Variants in SCAPER observed in about 807,000 individuals in gnomAD.
SCAPER encodes the protein S phase cyclin A-associated protein in the endoplasmic reticulum.
SCAPER carries 98 observed loss-of-function variants against 182.2 expected under a neutral mutation model. The observed-to-expected ratio is 0.54, with a 90% CI of 0.46 to 0.64. The LOEUF (loss-of-function observed/expected upper bound fraction) is 0.64. Ranked by LOEUF, SCAPER falls within the 30% of genes least tolerant of loss-of-function variation. SCAPER has a pLI of 0.00. For synonymous variants in SCAPER, 605 were observed against 564.6 expected (o/e 1.07, Z -1.01); for missense variants, 1,432 against 1,690.0 (o/e 0.85, Z 2.68).
At chr15:76,719,766 C>T (rs944884122) in intron 17 of SCAPER, among the ~76,000 whole-genome samples, 3 of 151,464 alleles carry the variant, frequency 2.0e-5, no homozygotes, top group African/African-American at 2.4e-5. Flanking sequence ...TGCCCACTAA[C>T]GAAACAAAAG....
chr15:76,765,550 A>G lies in SCAPER; in HGVS notation c.1495+13T>C. On this transcript the variant is annotated intron_variant, in intron 12 of 31. Transcript: ENST00000563290. ...ACACTGTACTACACACCCAATATGC[A>G]TATACACAATACCTTCATAATCTGC... 6.2e-7 allele frequency: 1 copy of G among 1,601,030 alleles called. No homozygotes were observed. The highest frequency in any genetic ancestry group is 8.5e-7 in the Non-Finnish European group (1 of 1,172,566).
intron 29 of SCAPER, among the ~76,000 whole-genome samples, chr15:76,374,645 T>C (rs1324182041): frequency 2.7e-5 from 4 of 150,602 alleles, no homozygotes; most frequent in Admixed American, 6.6e-5. Flanking sequence ...CCATGCCCGG[T>C]TAATTTTGTA....
At chr15:76,491,820 C>T (rs1053592719) in intron 24 of SCAPER, among the ~76,000 whole-genome samples, 5 of 152,094 alleles carry the variant, frequency 3.3e-5, no homozygotes, top group African/African-American at 9.6e-5. Context: ...TTAATAGAGA[C>T]GGGGTTTCAC....
intron 15 of SCAPER, among the ~76,000 whole-genome samples, chr15:76,744,046 CCTT>C (rs2061677163): frequency 1.3e-5 from 2 of 152,266 alleles, no homozygotes; most frequent in Non-Finnish European, 2.9e-5. Flanking sequence ...GAAAAGGACT[CCTT>C]CTTCAATAAA....
intron 17 of SCAPER, among the ~76,000 whole-genome samples, chr15:76,722,454 A>G (rs563516739): frequency 3.9e-5 from 6 of 152,120 alleles, no homozygotes; most frequent in Non-Finnish European, 5.9e-5. Context: ...AATGAGTTAG[A>G]GAGGATTCCC....
At chr15:76,495,759 C>T (rs1164955830) in intron 24 of SCAPER, among the ~76,000 whole-genome samples, 1 of 151,936 alleles carries the variant, frequency 6.6e-6, no homozygotes, top group Non-Finnish European at 1.5e-5. Flanking sequence ...ATGATATAAA[C>T]CAATGATTTT....
intron 17 of SCAPER, among the ~76,000 whole-genome samples, chr15:76,721,921 C>T (rs527529293): frequency 1.3e-5 from 2 of 152,206 alleles, no homozygotes; most frequent in South Asian, 4.2e-4. Context: ...CCTTTATTTC[C>T]TTCTCCTGTC....
intron 26 of SCAPER, 61 bp downstream of exon 26, chr15:76,434,017 A>C: frequency 7.2e-7 from 1 of 1,396,180 alleles, no homozygotes; most frequent in South Asian, 1.3e-5. Context: ...CTTGAGATTT[A>C]AATTATTTTA....
intron 30 of SCAPER, among the ~76,000 whole-genome samples, chr15:76,351,924 C>T (rs1282604615): frequency 1.3e-5 from 2 of 152,074 alleles, no homozygotes; most frequent in Non-Finnish European, 2.9e-5. Flanking sequence ...TTTTTTTTAG[C>T]ATTTACAAAA....
chr15:76,817,029 A>G (rs2151620738), intron 5 of SCAPER, among the ~76,000 whole-genome samples: 1 of 152,320 alleles, frequency 6.6e-6, no homozygotes, highest in Non-Finnish European at 1.5e-5. Context: ...CTTCCATGCA[A>G]CTGGTAGCAC....
Position 76,705,939 on chromosome 15 carries a change from T to C in SCAPER, c.2211A>G (p.Glu737=). 1.3e-6 allele frequency: 2 copies of C among 1,564,842 alleles called. No homozygotes were observed. The highest frequency in any genetic ancestry group is 2.3e-5 in the South Asian group (2 of 85,160). ...TTTTTTTCTGTAACTCTTCCATAGC[T>C]TCTTGTTGAGCAGCTGTGAGTGCTG... ...RLAALTAAQQ[E]AMEELQKKIQ... The change falls in exon 18 of 32, where the codon GAA becomes GAG. Residue 737 remains glutamate (E), a synonymous_variant. Transcript: ENST00000563290.
chr15:76,658,234 A>T (rs1183296045), intron 21 of SCAPER, among the ~76,000 whole-genome samples: 1 of 152,168 alleles, frequency 6.6e-6, no homozygotes, highest in African/African-American at 2.4e-5. Flanking sequence ...TATAAAATCA[A>T]TGTACAAAAA....
chr15:76,526,980 T>C (rs778137041), intron 23 of SCAPER, among the ~76,000 whole-genome samples: 9 of 152,086 alleles, frequency 5.9e-5, no homozygotes, highest in Non-Finnish European at 1.2e-4. Flanking sequence ...CAAGCTATTC[T>C]CCTGCCTCAG....
chr15:76,878,424 AG>A (rs33999787), intron 2 of SCAPER, among the ~76,000 whole-genome samples: 41,205 of 151,998 alleles, frequency 0.27, 6,379 homozygotes, highest in East Asian at 0.55. Flanking sequence ...CATGATTTTC[AG>A]GTAGAAAGAA....
rs532461399 is a variant in SCAPER at position 76,501,807 on chromosome 15, A to T, written c.2954+3052T>A. Among the ~76,000 whole-genome samples the T allele has an allele frequency of 4.6e-5, 7 of 152,380 alleles. No homozygotes were observed. The East Asian group carries it at 1.2e-3, about 25-fold the overall frequency. On this transcript the variant is annotated intron_variant, in intron 24 of 31. Transcript: ENST00000563290. Reference sequence around the variant, plus strand: ...GCTGAGAACAAAGAAGTGCCCAGGGACTATGGAAAGCCCAAGGCCTGGGCA... The same window carrying T: ...GCTGAGAACAAAGAAGTGCCCAGGGTCTATGGAAAGCCCAAGGCCTGGGCA...
intron 20 of SCAPER, among the ~76,000 whole-genome samples, chr15:76,695,712 G>A (rs2058622538): frequency 6.6e-6 from 1 of 152,032 alleles, no homozygotes; most frequent in Non-Finnish European, 1.5e-5. Context: ...ATCAGCCACA[G>A]ATATAGAGCC....
intron 26 of SCAPER, among the ~76,000 whole-genome samples, chr15:76,431,704 A>AAAAAAAAAAAAAAAAAAAAAC (rs61401621): frequency 7.8e-6 from 1 of 127,514 alleles, no homozygotes; most frequent in African/African-American, 2.7e-5. Context: ...AAAAAAAAAA[A>AAAAAAAAAAAAAAAAAAAAAC]TGCTTTGTTT....
At chr15:76,616,835 T>C (rs1361699442) in intron 22 of SCAPER, among the ~76,000 whole-genome samples, 1 of 152,142 alleles carries the variant, frequency 6.6e-6, no homozygotes, top group Non-Finnish European at 1.5e-5. Context: ...AAAAAGCTCA[T>C]ACTGTATCAA....
At chr15:76,430,857 A>G (rs2046814239) in intron 26 of SCAPER, among the ~76,000 whole-genome samples, 1 of 152,194 alleles carries the variant, frequency 6.6e-6, no homozygotes, top group Non-Finnish European at 1.5e-5. Flanking sequence ...CTGGGGTGGA[A>G]TAATGTGGTT....
Sources: allele counts gnomAD v4.1 joint callset (sites outside exome capture counted in the v4.1 genomes callset), GRCh38; gene constraint gnomAD v4.1.1; transcripts MANE v1.5; gene names NCBI Gene and HGNC (gene_info 2026-07-23, HGNC 2026-07-21).